RBFOX1: variants seen among roughly 807,000 people sequenced by gnomAD.
RBFOX1 encodes RNA binding fox-1 homolog 1.
Under a neutral mutation model 57.7 loss-of-function variants are expected in RBFOX1, and 8 were observed. The ratio of observed to expected loss-of-function variants is 0.14; its 90% confidence interval spans 0.08 to 0.25. The LOEUF (loss-of-function observed/expected upper bound fraction) is 0.25, where lower values mean the gene tolerates loss of function less well. Ranked by LOEUF, RBFOX1 falls within the 10% of genes least tolerant of loss-of-function variation. The probability of loss-of-function intolerance (pLI) is 1.00; values close to 1 mark genes in which losing one functional copy is unlikely to be tolerated. For missense variants in RBFOX1, 611 were observed against 548.5 expected (o/e 1.11, Z -1.14); for synonymous variants, 326 against 222.4 (o/e 1.47, Z -4.15).
At chr16:7,092,650 A>G (rs149493744) in intron 4 of RBFOX1, among the ~76,000 whole-genome samples, 46 of 152,278 alleles carry the variant, frequency 3.0e-4, no homozygotes, top group African/African-American at 9.1e-4. Flanking sequence ...TTGGTTATTG[A>G]CAGAGCCTTT....
intron 11 of RBFOX1, among the ~76,000 whole-genome samples, chr16:7,649,966 G>A (rs2064618112): frequency 4.0e-5 from 6 of 151,566 alleles, no homozygotes; most frequent in Admixed American, 3.9e-4. Flanking sequence ...AGAGGAAGAA[G>A]AGGGAGAGGA....
At chr16:5,736,060 C>T (rs914630887) in intron 3 of RBFOX1, among the ~76,000 whole-genome samples, 3 of 152,066 alleles carry the variant, frequency 2.0e-5, no homozygotes, top group Non-Finnish European at 4.4e-5. Flanking sequence ...TTAGAGTTCA[C>T]AGGGGGATTT....
chr16:6,966,312 G>C (rs945377364), intron 3 of RBFOX1, among the ~76,000 whole-genome samples: 2 of 152,146 alleles, frequency 1.3e-5, no homozygotes, highest in Non-Finnish European at 1.5e-5. Flanking sequence ...TAAAATGGGA[G>C]TGAAGGGAGA....
At chr16:5,937,014 T>C (rs1369206701) in intron 4 of RBFOX1, among the ~76,000 whole-genome samples, 1 of 152,198 alleles carries the variant, frequency 6.6e-6, no homozygotes, top group African/African-American at 2.4e-5. Flanking sequence ...TCAATATCTC[T>C]GAGCCTTAGT....
chr16:6,703,608 G>T (rs555572250), intron 3 of RBFOX1, among the ~76,000 whole-genome samples: 1 of 152,278 alleles, frequency 6.6e-6, no homozygotes, highest in South Asian at 2.1e-4. Flanking sequence ...TTGGGAGGCT[G>T]AGGTGGGAGG....
At chr16:7,187,865 G>A (rs975932397) in intron 4 of RBFOX1, among the ~76,000 whole-genome samples, 6 of 151,998 alleles carry the variant, frequency 3.9e-5, no homozygotes, top group Non-Finnish European at 7.4e-5. Context: ...AATTTATGGC[G>A]GTCATATTGG....
chr16:6,898,843 A>G (rs1000267883), intron 3 of RBFOX1, among the ~76,000 whole-genome samples: 4 of 150,502 alleles, frequency 2.7e-5, no homozygotes, highest in Admixed American at 6.6e-5. Flanking sequence ...ATGTGTGTGC[A>G]TGTGTATGTG....
chr16:6,176,603 C>T (rs1469025925), intron 1 of RBFOX1, among the ~76,000 whole-genome samples: 1 of 151,944 alleles, frequency 6.6e-6, no homozygotes, highest in East Asian at 1.9e-4. Flanking sequence ...GTGTCTAACA[C>T]ATGGTAAGGG....
intron 4 of RBFOX1, among the ~76,000 whole-genome samples, chr16:7,108,564 A>G (rs2064037706): frequency 6.6e-6 from 1 of 152,088 alleles, no homozygotes; most frequent in East Asian, 1.9e-4. Context: ...ATGTGCCTGT[A>G]ATTGTTTGTG....
intron 4 of RBFOX1, among the ~76,000 whole-genome samples, chr16:7,119,821 G>C (rs151049377): frequency 3.3e-5 from 5 of 152,178 alleles, no homozygotes; most frequent in Non-Finnish European, 7.4e-5. Context: ...CGAGGCTGTA[G>C]AAGTACTGAA....
At chr16:7,674,836 C>T (rs756134169) in intron 13 of RBFOX1, among the ~76,000 whole-genome samples, 3 of 152,188 alleles carry the variant, frequency 2.0e-5, no homozygotes, top group African/African-American at 7.2e-5. Flanking sequence ...GGACTCGCTG[C>T]CTTCTTCCAT....
intron 4 of RBFOX1, among the ~76,000 whole-genome samples, chr16:5,931,983 T>G (rs2059069055): frequency 6.6e-6 from 1 of 151,854 alleles, no homozygotes; most frequent in African/African-American, 2.4e-5. Flanking sequence ...AATTTTTTTT[T>G]GTACACTTGG....
At chr16:5,573,386 T>G (rs2046349452) in intron 2 of RBFOX1, among the ~76,000 whole-genome samples, 1 of 152,194 alleles carries the variant, frequency 6.6e-6, no homozygotes, top group Admixed American at 6.5e-5. Context: ...GCCTATGTCA[T>G]GATCACTTTT....
intron 3 of RBFOX1, among the ~76,000 whole-genome samples, chr16:6,985,350 A>T (rs972204929): frequency 2.0e-5 from 3 of 152,206 alleles, no homozygotes; most frequent in African/African-American, 7.2e-5. Context: ...GCACACACAT[A>T]CATACACAAA....
chr16:7,024,582 T>A (rs1363323963), intron 3 of RBFOX1, among the ~76,000 whole-genome samples: 1 of 152,248 alleles, frequency 6.6e-6, no homozygotes, highest in African/African-American at 2.4e-5. Context: ...AGGTAAGGGA[T>A]ATATTGCAAG....
rs151177772 is a variant in RBFOX1, at chr16:6,824,983, G to GTTTTTTTTTTTT, written c.-16+170353_-16+170364dup. Reference sequence around the variant, plus strand: ...GGATTTCTTTTTTCTTTCTTTCTTGGTTTTTTTTTTTTTTTTTTTTTTTTT... The same window carrying GTTTTTTTTTTTT: ...GGATTTCTTTTTTCTTTCTTTCTTGGTTTTTTTTTTTTTTTTTTTTTTTTTTTTTTTTTTTTT... On this transcript the variant is annotated intron_variant, in intron 3 of 15. Transcript: ENST00000550418. 8.1e-3 allele frequency among the ~76,000 whole-genome samples: 298 copies of GTTTTTTTTTTTT among 36,910 alleles called. 67 individuals carry two copies. The highest frequency in any genetic ancestry group is 0.014 in the Non-Finnish European group (234 of 16,936). The allele number at this position is 36,910 out of a possible 152,430, so 24.2% of individuals were successfully genotyped here.
At chr16:7,405,273 C>G (rs906324737) in intron 4 of RBFOX1, among the ~76,000 whole-genome samples, 1 of 152,188 alleles carries the variant, frequency 6.6e-6, no homozygotes, top group African/African-American at 2.4e-5. Context: ...TGATGCCAGC[C>G]CAGAGGCAGG....
At chr16:7,204,544 G>C (rs933229798) in intron 4 of RBFOX1, among the ~76,000 whole-genome samples, 2 of 152,176 alleles carry the variant, frequency 1.3e-5, no homozygotes, top group Admixed American at 1.3e-4. Flanking sequence ...TACGCAGGAA[G>C]CTGAGGATGG....
chr16:7,394,842 T>C (rs1377926468), intron 4 of RBFOX1, among the ~76,000 whole-genome samples: 9 of 152,320 alleles, frequency 5.9e-5, no homozygotes, highest in Admixed American at 5.9e-4. Context: ...CTTATTGTTT[T>C]TCAATCCGTC....
Sources: gnomAD v4.1 joint callset for allele counts (sites outside exome capture counted in the v4.1 genomes callset) on GRCh38, gnomAD v4.1.1 for gene constraint, MANE v1.5 for transcripts, NCBI Gene and HGNC (gene_info 2026-07-23, HGNC 2026-07-21) for gene names.